Variants in CCNJL observed in about 807,000 individuals in gnomAD.
The protein encoded by CCNJL is cyclin-J-like protein.
CCNJL carries 33 observed loss-of-function variants against 33.4 expected under a neutral mutation model. The ratio of observed to expected loss-of-function variants is 0.99; its 90% CI spans 0.75 to 1.32. The LOEUF is 1.32. Ranked by LOEUF, CCNJL falls within the 40% of genes most tolerant of loss-of-function variation. The probability of loss-of-function intolerance (pLI) is 0.00; values close to 1 mark genes in which losing one functional copy is unlikely to be tolerated. For missense variants in CCNJL, 512 were observed against 499.7 expected (o/e 1.02, Z -0.23); for synonymous variants, 227 against 220.9 (o/e 1.03, Z -0.24).
chr5:160,320,842 T>TTTCC (rs1491272861), intron 1 of CCNJL, among the ~76,000 whole-genome samples: 3,490 of 82,682 alleles, frequency 0.042, 57 homozygotes, highest in Non-Finnish European at 0.051. Flanking sequence ...TCTTTCTTTC[T>TTTCC]TTCTTTCCTT....
chr5:160,308,272 T>C lies in CCNJL; in HGVS notation c.66+3586A>G, dbSNP rs527847905. Among the ~76,000 whole-genome samples, 4 of 152,320 alleles carry C rather than the reference T, an allele frequency of 2.6e-5. No homozygotes were observed. In the South Asian group the frequency reaches 8.3e-4, roughly 32 times the overall value. On this transcript the variant is annotated intron_variant, in intron 2 of 5. Coordinates refer to ENST00000257536, the MANE Select transcript of CCNJL (RefSeq NM_001308173.3). ...TAAGTTATCTCACTTAATCTTAACA[T>C]TGCTGTAAAACGTTTCTCCCAGCTT...
chr5:160,255,397 G>A, intron 5 of CCNJL, 152 bp downstream of exon 5: 1 of 625,058 alleles, frequency 1.6e-6, no homozygotes, highest in Non-Finnish European at 2.9e-6. Flanking sequence ...ACTTCTACCA[G>A]GAGTCACCAT....
intron 2 of CCNJL, among the ~76,000 whole-genome samples, chr5:160,295,553 T>G (rs564723980): frequency 3.9e-5 from 6 of 152,242 alleles, no homozygotes; most frequent in African/African-American, 1.4e-4. Flanking sequence ...GAGGTCATAT[T>G]AGATCAGGAT....
intron 2 of CCNJL, among the ~76,000 whole-genome samples, chr5:160,311,113 T>A (rs980293498): frequency 2.0e-5 from 3 of 152,166 alleles, no homozygotes; most frequent in Non-Finnish European, 4.4e-5. Flanking sequence ...CCAGCCCACC[T>A]GGACTCTTCC....
At chr5:160,321,748 A>G (rs1188603322) in intron 1 of CCNJL, among the ~76,000 whole-genome samples, 1 of 152,194 alleles carries the variant, frequency 6.6e-6, no homozygotes, top group African/African-American at 2.4e-5. Flanking sequence ...CCTTGCCAAC[A>G]TGGTGAAACC....
intron 2 of CCNJL, among the ~76,000 whole-genome samples, chr5:160,281,696 G>T (rs1328262060): frequency 6.6e-6 from 1 of 152,144 alleles, no homozygotes; most frequent in Non-Finnish European, 1.5e-5. Context: ...TCTTACCCAG[G>T]CTGGAGAGCA....
chr5:160,260,177 TGGC>T (rs1434150591), intron 3 of CCNJL, among the ~76,000 whole-genome samples: 1 of 152,212 alleles, frequency 6.6e-6, no homozygotes, highest in Admixed American at 6.5e-5. Context: ...ACTCTCCATC[TGGC>T]CCTAACCAAT....
chr5:160,333,300 T>C (rs933904793), intron 1 of CCNJL, among the ~76,000 whole-genome samples: 14 of 152,106 alleles, frequency 9.2e-5, no homozygotes, highest in Admixed American at 3.3e-4. Flanking sequence ...TTTTTTTGTA[T>C]ATTTTAGTAG....
intron 2 of CCNJL, 43 bp downstream of exon 2, chr5:160,311,815 C>T: frequency 6.3e-7 from 1 of 1,584,592 alleles, no homozygotes; most frequent in Non-Finnish European, 8.7e-7. Context: ...CCGAAGGAGA[C>T]TGTACCCAGT....
intron 2 of CCNJL, among the ~76,000 whole-genome samples, chr5:160,283,372 G>T (rs1181267589): frequency 6.6e-6 from 1 of 152,086 alleles, no homozygotes; most frequent in Non-Finnish European, 1.5e-5. Flanking sequence ...ACTGCTAATG[G>T]GTATGGGGTT....
intron 3 of CCNJL, among the ~76,000 whole-genome samples, chr5:160,271,514 C>G (rs1386809166): frequency 6.6e-6 from 1 of 152,202 alleles, no homozygotes; most frequent in African/African-American, 2.4e-5. Context: ...AAATCCCTCC[C>G]CTGAAACAGC....
At chr5:160,333,351 C>T (rs563491808) in intron 1 of CCNJL, among the ~76,000 whole-genome samples, 4 of 152,124 alleles carry the variant, frequency 2.6e-5, no homozygotes, top group African/African-American at 7.2e-5. Context: ...GTCTTGATCT[C>T]CTGACCTCGT....
chr5:160,290,668 T>TCC (rs1035565454), intron 2 of CCNJL, among the ~76,000 whole-genome samples: 4 of 152,040 alleles, frequency 2.6e-5, no homozygotes, highest in African/African-American at 9.7e-5. Flanking sequence ...GCTCTTACTG[T>TCC]CCTCCTGCCT....
chr5:160,259,793 A>G, intron 3 of CCNJL, 22 bp from the exon 4 acceptor site: 2 of 1,581,436 alleles, frequency 1.3e-6, no homozygotes, highest in Non-Finnish European at 8.6e-7. Context: ...CAGGGGAAGC[A>G]GGGGTTACTG....
At chr5:160,261,679 C>A (rs1225244063) in intron 3 of CCNJL, among the ~76,000 whole-genome samples, 2 of 152,050 alleles carry the variant, frequency 1.3e-5, no homozygotes, top group Non-Finnish European at 2.9e-5. Context: ...GGGACTCCAA[C>A]CCCTCCCCGG....
chr5:160,331,222 CTTTT>C (rs574507230), intron 1 of CCNJL, among the ~76,000 whole-genome samples: 14 of 131,406 alleles, frequency 1.1e-4, no homozygotes, highest in Middle Eastern at 3.8e-3. Flanking sequence ...TTCTTTCTTT[CTTTT>C]TTTTTTTTTT....
chr5:160,287,943 C>T (rs6896786), intron 2 of CCNJL, among the ~76,000 whole-genome samples: 6,487 of 152,162 alleles, frequency 0.043, 489 homozygotes, highest in African/African-American at 0.15. Context: ...TTCCTGATCA[C>T]TCTCCCTCCC....
chr5:160,279,721 C>T (rs1308822562), intron 3 of CCNJL, among the ~76,000 whole-genome samples: 1 of 152,112 alleles, frequency 6.6e-6, no homozygotes, highest in African/African-American at 2.4e-5. Flanking sequence ...AGCTCTATGA[C>T]AAGAGGGGGC....
rs1251472333 is a variant in CCNJL, at chr5:160,255,728, G to A, written c.584-20C>T. 4 of 1,610,992 alleles carry A rather than the reference G, an allele frequency of 2.5e-6. No individual in the cohort carries two copies. The highest frequency in any genetic ancestry group is 4.5e-5 in the East Asian group (2 of 44,824). On this transcript the variant is annotated intron_variant, in intron 4 of 5. Transcript: ENST00000257536. The stretch of plus-strand genomic sequence containing the variant: ...TGTGATCTGAAAGAAAGCCACGGAG[G>A]GAGTCAGCATCCAAATCCTCCCCTT...
Sources: allele counts gnomAD v4.1 joint callset (sites outside exome capture counted in the v4.1 genomes callset), GRCh38; gene constraint gnomAD v4.1.1; transcripts MANE v1.5; gene names NCBI Gene and HGNC (gene_info 2026-07-23, HGNC 2026-07-21).